DPP6: variants seen among roughly 807,000 people sequenced by gnomAD.
DPP6 encodes the protein dipeptidyl peptidase like 6.
In DPP6, 69 loss-of-function variants were observed where a neutral mutation model predicts 122.6. The observed-to-expected ratio is 0.56, with a 90% CI of 0.46 to 0.69. The LOEUF is 0.69. Ranked by LOEUF, DPP6 falls within the 30% of genes least tolerant of loss-of-function variation. DPP6 has a pLI of 0.00. For missense variants in DPP6, 928 were observed against 1,116.9 expected, an observed-to-expected ratio of 0.83 and a Z score of 2.41; for synonymous variants, 418 against 433.1, an observed-to-expected ratio of 0.97 and a Z score of 0.43.
chr7:154,890,278 C>T (rs1280600436), intron 25 of DPP6: 1 of 151,000 alleles, frequency 6.6e-6, no homozygotes, highest in Non-Finnish European at 1.5e-5. Context: ...ACCCTGCCTC[C>T]CTCAGAGAGC....
At chr7:154,648,975 A>G (rs2316233) in intron 6 of DPP6, among the ~76,000 whole-genome samples, 26,363 of 151,844 alleles carry the variant, frequency 0.17, 2,851 homozygotes, top group African/African-American at 0.31. Context: ...TTTGACAAAT[A>G]GGTGCAATGA....
At chr7:154,499,595 C>T (rs1293802572) in intron 3 of DPP6, among the ~76,000 whole-genome samples, 1 of 152,008 alleles carries the variant, frequency 6.6e-6, no homozygotes, top group African/African-American at 2.4e-5. Context: ...GACACCACAC[C>T]TTTTCATTTA....
In DPP6 at chr7:154,357,037, A is replaced by C. The variant is rs1041331883; in HGVS notation, c.244-89177A>C. Among the ~76,000 whole-genome samples the C allele has an allele frequency of 3.3e-5, 5 of 152,220 alleles. No individual in the cohort carries two copies. The East Asian group carries it at 7.7e-4, about 23-fold the overall frequency. ...GACAAAAGTTTTACCCACACCTAGC[A>C]CATCATAGACAACACTATTGATAAA... On this transcript the variant is annotated intron_variant, in intron 1 of 25. Coordinates refer to ENST00000377770, the MANE Select transcript of DPP6 (RefSeq NM_130797.4).
chr7:154,731,040 T>G (rs1842313925), intron 8 of DPP6, among the ~76,000 whole-genome samples: 1 of 152,226 alleles, frequency 6.6e-6, no homozygotes, highest in Non-Finnish European at 1.5e-5. Context: ...CCTGGAAGGT[T>G]TATATGCTGA....
intron 1 of DPP6, among the ~76,000 whole-genome samples, chr7:154,252,551 C>A (rs904782209): frequency 6.6e-6 from 1 of 152,184 alleles, no homozygotes; most frequent in African/African-American, 2.4e-5. Context: ...CTACCTCCAC[C>A]CCACACTGCC....
intron 1 of DPP6, among the ~76,000 whole-genome samples, chr7:154,374,047 T>C (rs1306404437): frequency 1.3e-5 from 2 of 152,220 alleles, no homozygotes; most frequent in African/African-American, 4.8e-5. Flanking sequence ...GAAACCAGCC[T>C]ATTTTCACAC....
intron 1 of DPP6, among the ~76,000 whole-genome samples, chr7:154,212,371 A>C (rs1799786332): frequency 1.3e-5 from 2 of 152,238 alleles, no homozygotes; most frequent in Non-Finnish European, 2.9e-5. Flanking sequence ...AATTCCAGAA[A>C]GATAAATGAA....
chr7:154,497,048 C>A (rs892452332), intron 3 of DPP6, among the ~76,000 whole-genome samples: 1 of 152,088 alleles, frequency 6.6e-6, no homozygotes, highest in African/African-American at 2.4e-5. Flanking sequence ...GTAAAGAAAG[C>A]AAACTCCCTC....
intron 7 of DPP6, among the ~76,000 whole-genome samples, chr7:154,679,333 C>T (rs1839139506): frequency 6.6e-6 from 1 of 152,164 alleles, no homozygotes; most frequent in South Asian, 2.1e-4. Context: ...CAGCAATTCC[C>T]CTACGCTAAT....
chr7:154,872,505 T>G, intron 18 of DPP6, 119 bp from the exon 19 acceptor site: 1 of 1,441,100 alleles, frequency 6.9e-7, no homozygotes, highest in South Asian at 1.4e-5. Flanking sequence ...TCTCTGTCTG[T>G]GGGCTTCCCC....
chr7:153,987,966 G>A lies in DPP6; in HGVS notation c.51+100232G>A, dbSNP rs564685031. ...CTTGGAGGAGGGGAAACAGAGTCAGGGGGAAGACAGCATGCCAGGAGGAGC... is the reference window on the plus strand; with the variant it reads ...CTTGGAGGAGGGGAAACAGAGTCAGAGGGAAGACAGCATGCCAGGAGGAGC... On this transcript the variant is annotated intron_variant, in intron 1 of 25. Coordinates refer to the DPP6 transcript ENST00000404039. Among the ~76,000 whole-genome samples the A allele has an allele frequency of 2.0e-5, 3 of 152,234 alleles. No homozygotes were observed. The South Asian group carries it at 6.2e-4, about 32-fold the overall frequency.
chr7:154,729,270 A>G (rs1440824025), intron 8 of DPP6, among the ~76,000 whole-genome samples: 2 of 152,140 alleles, frequency 1.3e-5, no homozygotes, highest in African/African-American at 2.4e-5. Flanking sequence ...GGCTGGGTCA[A>G]GGGAGGGTCA....
At chr7:154,397,243 G>A (rs780492295) in intron 1 of DPP6, among the ~76,000 whole-genome samples, 3 of 151,300 alleles carry the variant, frequency 2.0e-5, no homozygotes, top group African/African-American at 4.9e-5. Context: ...TGAGCATTAA[G>A]CAGTGCGCAC....
chr7:154,274,314 A>C (rs898362139), intron 1 of DPP6, among the ~76,000 whole-genome samples: 6 of 152,208 alleles, frequency 3.9e-5, no homozygotes, highest in Non-Finnish European at 7.3e-5. Context: ...TTCCTCAGTC[A>C]TATCACTATT....
intron 7 of DPP6, among the ~76,000 whole-genome samples, chr7:154,671,731 G>A (rs747325517): frequency 5.3e-5 from 8 of 152,150 alleles, no homozygotes; most frequent in African/African-American, 7.2e-5. Context: ...GTCATGCTCC[G>A]TTGGAGATGA....
intron 1 of DPP6, among the ~76,000 whole-genome samples, chr7:154,234,611 A>T (rs1403968986): frequency 6.6e-6 from 1 of 151,972 alleles, no homozygotes; most frequent in African/African-American, 2.4e-5. Flanking sequence ...ACCCACACAT[A>T]CCCAACACAC....
At chr7:154,063,533 C>A (rs1386755884) in intron 1 of DPP6, among the ~76,000 whole-genome samples, 4 of 131,244 alleles carry the variant, frequency 3.0e-5, no homozygotes, top group South Asian at 2.8e-4. Context: ...GGGGAGGCAC[C>A]CCCCGCGAGG....
At chr7:153,878,338 A>G in the DPP6 span, among the ~76,000 whole-genome samples, 2 of 152,146 alleles carry the variant, frequency 1.3e-5, no homozygotes, top group Admixed American at 1.3e-4. Context: ...TGTAATGAGA[A>G]TGGTCATAAC....
upstream of DPP6, among the ~76,000 whole-genome samples, chr7:153,883,756 C>T (rs1015519760): frequency 2.6e-5 from 4 of 152,218 alleles, no homozygotes; most frequent in Non-Finnish European, 5.9e-5. Context: ...TCAAGGTAGA[C>T]ACGTTGCAAA....
Sources: gnomAD v4.1 joint callset for allele counts (sites outside exome capture counted in the v4.1 genomes callset) on GRCh38, gnomAD v4.1.1 for gene constraint, MANE v1.5 for transcripts, NCBI Gene and HGNC (gene_info 2026-07-23, HGNC 2026-07-21) for gene names.